The following HS6ST3 variants were observed in gnomAD, a reference collection of about 807,000 sequenced individuals.
HS6ST3 encodes the protein heparan-sulfate 6-O-sulfotransferase 3.
A neutral mutation model predicts 36.7 loss-of-function variants in HS6ST3; 12 were observed. That is an observed-to-expected ratio of 0.33 (90% CI 0.21 to 0.53). HS6ST3 has a LOEUF of 0.53. Among genes scored for constraint, HS6ST3 ranks in the 20% least tolerant of loss-of-function variants. HS6ST3 has a pLI of 0.95. For synonymous variants in HS6ST3, 240 were observed against 257.5 expected (o/e 0.93, Z 0.65); for missense variants, 584 against 640.9 (o/e 0.91, Z 0.96).
intron 1 of HS6ST3, among the ~76,000 whole-genome samples, chr13:96,537,125 T>C (rs1286800766): frequency 1.3e-5 from 2 of 152,230 alleles, no homozygotes; most frequent in Non-Finnish European, 2.9e-5. Context: ...TTAATGGACT[T>C]ACAATTCCAT....
chr13:96,660,193 G>A (rs1045005760), intron 1 of HS6ST3, among the ~76,000 whole-genome samples: 6 of 152,008 alleles, frequency 3.9e-5, no homozygotes, highest in African/African-American at 1.4e-4. Flanking sequence ...GAAGAACTGA[G>A]TTTCTATCAA....
chr13:96,293,356 C>G (rs1285626060), intron 1 of HS6ST3, among the ~76,000 whole-genome samples: 1 of 151,878 alleles, frequency 6.6e-6, no homozygotes, highest in Non-Finnish European at 1.5e-5. Context: ...TTGATATATC[C>G]AATTACCCAT....
At chr13:96,098,689 C>G (rs961249470) in intron 1 of HS6ST3, among the ~76,000 whole-genome samples, 4 of 147,392 alleles carry the variant, frequency 2.7e-5, no homozygotes, top group Middle Eastern at 3.5e-3. Context: ...AGCATGAACT[C>G]TGAAGTCAAA....
intron 1 of HS6ST3, among the ~76,000 whole-genome samples, chr13:96,468,477 T>C (rs12869851): frequency 0.015 from 1,948 of 126,340 alleles, 111 homozygotes; most frequent in South Asian, 0.026. Flanking sequence ...CATACACACA[T>C]ACACACACAC....
intron 1 of HS6ST3, among the ~76,000 whole-genome samples, chr13:96,696,108 G>T (rs540028641): frequency 6.6e-6 from 1 of 152,146 alleles, no homozygotes; most frequent in South Asian, 2.1e-4. Context: ...ATTAAGAAAT[G>T]TATTTTAAGG....
chr13:96,550,580 T>C (rs1477277383), intron 1 of HS6ST3, among the ~76,000 whole-genome samples: 1 of 152,204 alleles, frequency 6.6e-6, no homozygotes, highest in African/African-American at 2.4e-5. Context: ...TCACCAGTAC[T>C]TATTAAATCA....
intron 1 of HS6ST3, among the ~76,000 whole-genome samples, chr13:96,115,658 G>A (rs747231536): frequency 3.9e-5 from 6 of 152,228 alleles, no homozygotes; most frequent in Non-Finnish European, 7.4e-5. Context: ...TTGGGCATTC[G>A]GGTTGGTTCC....
chr13:96,753,073 G>C (rs961752946), intron 1 of HS6ST3, among the ~76,000 whole-genome samples: 1 of 152,114 alleles, frequency 6.6e-6, no homozygotes. Flanking sequence ...TAAACCAACT[G>C]TCTGGCCTCT....
intron 1 of HS6ST3, among the ~76,000 whole-genome samples, chr13:96,118,835 C>T (rs1324051505): frequency 3.4e-5 from 5 of 146,560 alleles, no homozygotes; most frequent in African/African-American, 1.0e-4. Flanking sequence ...CTCAGCCTCC[C>T]GAGTAGCTGG....
At chr13:96,441,037 G>A (rs1937113212) in intron 1 of HS6ST3, among the ~76,000 whole-genome samples, 1 of 152,108 alleles carries the variant, frequency 6.6e-6, no homozygotes, top group African/African-American at 2.4e-5. Flanking sequence ...GGGATTAGCA[G>A]CCTTATAAAA....
At chr13:96,493,146 TG>T (rs2055955036) in intron 1 of HS6ST3, among the ~76,000 whole-genome samples, 1 of 152,186 alleles carries the variant, frequency 6.6e-6, no homozygotes. Flanking sequence ...TGTCTGTTCC[TG>T]AAGACATACA....
At chr13:96,737,657 AGAG>A (rs1204631326) in intron 1 of HS6ST3, among the ~76,000 whole-genome samples, 23 of 146,364 alleles carry the variant, frequency 1.6e-4, no homozygotes, top group Admixed American at 1.4e-4. Context: ...AAAAAAAAAA[AGAG>A]ATTATTTTCA....
intron 1 of HS6ST3, among the ~76,000 whole-genome samples, chr13:96,342,929 TA>T (rs1226101833): frequency 6.6e-6 from 1 of 152,232 alleles, no homozygotes; most frequent in African/African-American, 2.4e-5. Context: ...ATTGCAGGTC[TA>T]AATGCTGTGT....
At chr13:96,258,846 A>G (rs1425622586) in intron 1 of HS6ST3, among the ~76,000 whole-genome samples, 1 of 152,212 alleles carries the variant, frequency 6.6e-6, no homozygotes, top group Non-Finnish European at 1.5e-5. Flanking sequence ...TGAACGTAGC[A>G]TGATCTCTTC....
chr13:96,323,272 C>G (rs2055013739), intron 1 of HS6ST3, among the ~76,000 whole-genome samples: 1 of 152,222 alleles, frequency 6.6e-6, no homozygotes, highest in African/African-American at 2.4e-5. Flanking sequence ...CTTCCACAGT[C>G]ATCCCTATCT....
chr13:96,195,864 A>G (rs2054310318), intron 1 of HS6ST3, among the ~76,000 whole-genome samples: 1 of 152,164 alleles, frequency 6.6e-6, no homozygotes, highest in Non-Finnish European at 1.5e-5. Context: ...TTATTATGTG[A>G]GTAAATGAAA....
At chr13:96,137,849 A>C (rs1199670882) in intron 1 of HS6ST3, among the ~76,000 whole-genome samples, 1 of 152,228 alleles carries the variant, frequency 6.6e-6, no homozygotes, top group Non-Finnish European at 1.5e-5. Context: ...TGAATTCTTT[A>C]GGCAAGCTTC....
intron 1 of HS6ST3, among the ~76,000 whole-genome samples, chr13:96,353,445 A>G (rs1286604210): frequency 6.6e-6 from 1 of 152,018 alleles, no homozygotes; most frequent in African/African-American, 2.4e-5. Flanking sequence ...CTGGCTAACC[A>G]TTTGGGGAAA....
At chr13:96,689,228 CAA>C (rs2092955182) in intron 1 of HS6ST3, among the ~76,000 whole-genome samples, 1 of 151,978 alleles carries the variant, frequency 6.6e-6, no homozygotes, top group Non-Finnish European at 1.5e-5. Context: ...CAGCACTTGG[CAA>C]GTTATTACTA....
Sources: gnomAD v4.1 joint callset for allele counts (sites outside exome capture counted in the v4.1 genomes callset) on GRCh38, gnomAD v4.1.1 for gene constraint, MANE v1.5 for transcripts, NCBI Gene and HGNC (gene_info 2026-07-23, HGNC 2026-07-21) for gene names.